PVT1: variants seen among roughly 807,000 people sequenced by gnomAD.
PVT1 encodes the protein CXCR4/PVT1 fusion.
chr8:127,988,195 A>C (rs1816991887), intron 3 of PVT1, among the ~76,000 whole-genome samples: 1 of 152,256 alleles, frequency 6.6e-6, no homozygotes, highest in African/African-American at 2.4e-5. Context: ...CTGTGGGGCA[A>C]GGATGTTTCA....
At chr8:127,921,901 T>C (rs1648821897) in intron 3 of PVT1, among the ~76,000 whole-genome samples, 1 of 125,048 alleles carries the variant, frequency 8.0e-6, no homozygotes, top group Non-Finnish European at 1.6e-5. Context: ...TGCTCTATCA[T>C]CTAGGCTGGA....
chr8:127,864,419 T>G (rs571818906), intron 2 of PVT1, among the ~76,000 whole-genome samples: 72 of 152,330 alleles, frequency 4.7e-4, no homozygotes, highest in African/African-American at 1.7e-3. Flanking sequence ...CAAGATTCAG[T>G]AACTGGATGC....
chr8:127,846,085 C>T (rs374743744), intron 2 of PVT1, among the ~76,000 whole-genome samples: 10 of 152,172 alleles, frequency 6.6e-5, no homozygotes, highest in African/African-American at 1.2e-4. Flanking sequence ...AAGCACACAT[C>T]GTGGACCCCT....
chr8:127,864,697 A>G (rs13269511), intron 2 of PVT1, among the ~76,000 whole-genome samples: 56,452 of 151,636 alleles, frequency 0.37, 12,996 homozygotes, highest in African/African-American at 0.65. Flanking sequence ...ACAGGCGCCC[A>G]CCACCACGCC....
At chr8:128,075,987 G>A (rs1292643710) in intron 5 of PVT1, among the ~76,000 whole-genome samples, 1 of 152,180 alleles carries the variant, frequency 6.6e-6, no homozygotes, top group Non-Finnish European at 1.5e-5. Flanking sequence ...CAAACCAGTA[G>A]ACAGATTATG....
chr8:127,953,795 T>C (rs1816536588), intron 3 of PVT1, among the ~76,000 whole-genome samples: 1 of 152,202 alleles, frequency 6.6e-6, no homozygotes, highest in Admixed American at 6.5e-5. Context: ...ACATTTTTTT[T>C]CTTCTTTTCT....
intron 4 of PVT1, among the ~76,000 whole-genome samples, chr8:128,026,005 G>A (rs1314804700): frequency 1.3e-5 from 2 of 151,846 alleles, no homozygotes; most frequent in Non-Finnish European, 2.9e-5. Flanking sequence ...AGGCCGGAGT[G>A]CAATGTTGTG....
intron 4 of PVT1, among the ~76,000 whole-genome samples, chr8:128,001,686 C>G (rs1817178624): frequency 6.6e-6 from 1 of 152,172 alleles, no homozygotes; most frequent in South Asian, 2.1e-4. Context: ...TAACAAAATC[C>G]CATAAACTGG....
intron 2 of PVT1, among the ~76,000 whole-genome samples, chr8:127,836,137 C>A (rs1167449306): frequency 6.6e-6 from 1 of 152,156 alleles, no homozygotes; most frequent in Non-Finnish European, 1.5e-5. Flanking sequence ...CTGAATTTCA[C>A]TGTGGCACCA....
intron 2 of PVT1, among the ~76,000 whole-genome samples, chr8:127,822,026 A>C (rs971676439): frequency 2.0e-5 from 3 of 152,158 alleles, no homozygotes; most frequent in African/African-American, 4.8e-5. Context: ...GTATTGACTA[A>C]ATTGTTTAAA....
At chr8:127,930,131 C>A (rs555968189) in intron 3 of PVT1, among the ~76,000 whole-genome samples, 26 of 152,212 alleles carry the variant, frequency 1.7e-4, no homozygotes, top group Middle Eastern at 3.4e-3. Flanking sequence ...TTAAAAAAAA[C>A]CAACCTCTGG....
intron 3 of PVT1, among the ~76,000 whole-genome samples, chr8:127,984,897 CTTT>C (rs1563657534): frequency 1.9e-4 from 20 of 103,276 alleles, no homozygotes; most frequent in Non-Finnish European, 2.6e-4. Context: ...TTCTTTCTTT[CTTT>C]CTTTCTTTCT....
At chr8:128,039,482 G>A (rs886918822) in intron 4 of PVT1, among the ~76,000 whole-genome samples, 6 of 152,168 alleles carry the variant, frequency 3.9e-5, no homozygotes, top group African/African-American at 1.4e-4. Flanking sequence ...CTAAGGCCCT[G>A]GTGGGTGCTG....
chr8:128,051,801 A>G (rs1163807952), intron 4 of PVT1, among the ~76,000 whole-genome samples: 1 of 151,612 alleles, frequency 6.6e-6, no homozygotes, highest in Non-Finnish European at 1.5e-5. Context: ...TTTATGGTTT[A>G]TCTCTCTTTG....
Position 127,896,087 on chromosome 8 carries a change from G to A in PVT1, n.782+5089G>A, listed in dbSNP as rs1339271982. ...GCAATATTTCTGTGAGACTTGTTAA[G>A]CAGTATATGCGCAGTGCTTTCATTA... On this transcript the variant is annotated intron_variant and non_coding_transcript_variant, in intron 3 of 10. Transcript: ENST00000651587. Among the ~76,000 whole-genome samples the A allele has an allele frequency of 8.5e-5, 13 of 152,222 alleles. No homozygotes were observed. In the East Asian group the frequency reaches 1.2e-3, roughly 13 times the overall value.
At chr8:127,965,155 T>G (rs1816689975) in intron 3 of PVT1, among the ~76,000 whole-genome samples, 1 of 152,240 alleles carries the variant, frequency 6.6e-6, no homozygotes, top group South Asian at 2.1e-4. Context: ...TTGTCACTTT[T>G]TCTTATCTTA....
At chr8:128,060,085 T>C (rs1813812279) in intron 4 of PVT1, among the ~76,000 whole-genome samples, 1 of 152,054 alleles carries the variant, frequency 6.6e-6, no homozygotes, top group Non-Finnish European at 1.5e-5. Context: ...TGAAACCCCG[T>C]CTCTACTAAA....
intron 3 of PVT1, among the ~76,000 whole-genome samples, chr8:127,945,645 T>C (rs1301278289): frequency 2.0e-5 from 3 of 152,216 alleles, no homozygotes; most frequent in Non-Finnish European, 4.4e-5. Context: ...CCATTGCTTA[T>C]CTGAAACGAT....
At chr8:127,976,521 C>T (rs1816824167) in intron 3 of PVT1, among the ~76,000 whole-genome samples, 1 of 152,108 alleles carries the variant, frequency 6.6e-6, no homozygotes, top group Non-Finnish European at 1.5e-5. Context: ...CCACCTGGCC[C>T]CCAGAAGTCA....
Sources: allele counts gnomAD v4.1 joint callset (sites outside exome capture counted in the v4.1 genomes callset), GRCh38; gene constraint gnomAD v4.1.1; transcripts MANE v1.5; gene names NCBI Gene and HGNC (gene_info 2026-07-23, HGNC 2026-07-21).